STARD13: variants seen among roughly 807,000 people sequenced by gnomAD.
STARD13 encodes stAR-related lipid transfer protein 13.
In STARD13, 62 loss-of-function variants were observed where a neutral mutation model predicts 106.4. That is an observed-to-expected ratio of 0.58 (90% CI 0.48 to 0.72). STARD13 has a LOEUF of 0.72. Ranked by LOEUF, STARD13 falls within the 30% of genes least tolerant of loss-of-function variation. The probability of loss-of-function intolerance (pLI) is 0.00; values close to 1 mark genes in which losing one functional copy is unlikely to be tolerated. For missense variants in STARD13, 1,387 were observed against 1,424.0 expected (o/e 0.97, Z 0.42); for synonymous variants, 565 against 553.0 (o/e 1.02, Z -0.31).
chr13:33,434,079 G>A, the STARD13 span, among the ~76,000 whole-genome samples: 8 of 152,224 alleles, frequency 5.3e-5, no homozygotes, highest in East Asian at 1.9e-4. Flanking sequence ...GAGGCCAGGC[G>A]CTGTGGCTCA....
chr13:33,645,672 T>C, the STARD13 span, among the ~76,000 whole-genome samples: 118 of 152,270 alleles, frequency 7.7e-4, no homozygotes, highest in African/African-American at 2.7e-3. Flanking sequence ...AAAAAATGAT[T>C]GTTTAGCCAT....
the STARD13 span, among the ~76,000 whole-genome samples, chr13:33,363,268 T>G: frequency 6.6e-6 from 1 of 152,208 alleles, no homozygotes; most frequent in African/African-American, 2.4e-5. Flanking sequence ...TTTCAAAACC[T>G]TCTCAGTACA....
chr13:33,386,563 G>C, the STARD13 span, among the ~76,000 whole-genome samples: 3 of 151,970 alleles, frequency 2.0e-5, no homozygotes, highest in Admixed American at 6.6e-5. Flanking sequence ...ACCTCCTCTG[G>C]GGGGGTCGAC....
the STARD13 span, among the ~76,000 whole-genome samples, chr13:33,671,426 T>C: frequency 1.3e-5 from 2 of 152,212 alleles, no homozygotes; most frequent in Non-Finnish European, 2.9e-5. Flanking sequence ...CCCAGTAAAA[T>C]GCATATGTTA....
intron 1 of STARD13, among the ~76,000 whole-genome samples, chr13:33,178,680 G>A (rs1215207730): frequency 6.6e-6 from 1 of 152,158 alleles, no homozygotes; most frequent in African/African-American, 2.4e-5. Flanking sequence ...TTAGGTATCT[G>A]GAAAGTGGAG....
chr13:33,550,845 A>G, the STARD13 span, among the ~76,000 whole-genome samples: 1 of 152,216 alleles, frequency 6.6e-6, no homozygotes, highest in Non-Finnish European at 1.5e-5. Flanking sequence ...CTTTCAGCAT[A>G]GAACTTCCAA....
chr13:33,670,748 C>A, the STARD13 span, among the ~76,000 whole-genome samples: 1 of 152,178 alleles, frequency 6.6e-6, no homozygotes, highest in Non-Finnish European at 1.5e-5. Flanking sequence ...TCCCCTCCCC[C>A]GAGTTGCTTA....
chr13:33,306,156 T>A (rs1430378714), intron 1 of STARD13, among the ~76,000 whole-genome samples: 1 of 151,918 alleles, frequency 6.6e-6, no homozygotes, highest in Non-Finnish European at 1.5e-5. Flanking sequence ...AGGATAAAGA[T>A]CCCAGAAATA....
intron 4 of STARD13, among the ~76,000 whole-genome samples, chr13:33,131,371 C>T (rs1272068996): frequency 6.6e-6 from 1 of 152,082 alleles, no homozygotes; most frequent in Non-Finnish European, 1.5e-5. Flanking sequence ...TGGGAGAAAC[C>T]CTGTCTCCAG....
At chr13:33,520,063 C>T in the STARD13 span, 4 of 152,156 alleles carry the variant, frequency 2.6e-5, no homozygotes, top group East Asian at 7.7e-4. Flanking sequence ...CAGGTGTGGG[C>T]TGCCCAGGTC....
chr13:33,199,282 C>G (rs985173760), intron 1 of STARD13, among the ~76,000 whole-genome samples: 4 of 152,200 alleles, frequency 2.6e-5, no homozygotes, highest in African/African-American at 9.7e-5. Context: ...ATATCTGTCC[C>G]CAAGACGTGA....
chr13:33,545,644 A>G, the STARD13 span, among the ~76,000 whole-genome samples: 1 of 152,212 alleles, frequency 6.6e-6, no homozygotes, highest in African/African-American at 2.4e-5. Context: ...GATCCCTGAC[A>G]CAGGGCTTGA....
chr13:33,589,276 G>GT, the STARD13 span, among the ~76,000 whole-genome samples: 4 of 151,956 alleles, frequency 2.6e-5, no homozygotes, highest in Non-Finnish European at 5.9e-5. Flanking sequence ...TTTTTGAAGG[G>GT]TTTTTTTGTG....
rs370325874 is a variant in STARD13 at position 33,106,839 on chromosome 13, A to T, written c.3143T>A (p.Val1048Glu). Residue 1048 changes from valine (V) to glutamate (E), a missense_variant, in exon 13 of 14, where the codon GTG (valine) becomes GAG (glutamate). Transcript: ENST00000336934. ...TATCAAGTACTGCGAGTCCATCACC[A>T]CTGCTCGCACACCACCCAGGAGCTG... is the stretch of plus-strand genomic sequence containing the variant. ...EAQLLGGVRA[V>E]VMDSQYLIEP... 4.9e-4 allele frequency: 784 copies of T among 1,614,154 alleles called. 5 individuals carry two copies. The South Asian group carries it at 8.1e-3, about 17-fold the overall frequency.
chr13:33,523,788 T>C, the STARD13 span, among the ~76,000 whole-genome samples: 1 of 152,128 alleles, frequency 6.6e-6, no homozygotes, highest in African/African-American at 2.4e-5. Context: ...GTGGATTGAA[T>C]ATTAGTAGCT....
chr13:33,647,255 C>T, the STARD13 span, among the ~76,000 whole-genome samples: 1 of 152,150 alleles, frequency 6.6e-6, no homozygotes, highest in African/African-American at 2.4e-5. Context: ...ATATGTTTTT[C>T]TTTACATCCA....
intron 1 of STARD13, among the ~76,000 whole-genome samples, chr13:33,201,884 C>T (rs1333901718): frequency 5.9e-5 from 9 of 152,104 alleles, no homozygotes; most frequent in Admixed American, 3.9e-4. Context: ...AGTACATAAT[C>T]TGTCAGGCAA....
At chr13:33,224,444 C>T (rs1007610808) in intron 1 of STARD13, among the ~76,000 whole-genome samples, 1 of 152,202 alleles carries the variant, frequency 6.6e-6, no homozygotes, top group African/African-American at 2.4e-5. Flanking sequence ...CTCTTTGTGG[C>T]CACTAAGGGT....
At chr13:33,612,666 A>G in the STARD13 span, among the ~76,000 whole-genome samples, 1 of 152,152 alleles carries the variant, frequency 6.6e-6, no homozygotes, top group Non-Finnish European at 1.5e-5. Flanking sequence ...ACAGCCCTGT[A>G]TATGTCAACC....
Sources: gnomAD v4.1 joint callset for allele counts (sites outside exome capture counted in the v4.1 genomes callset) on GRCh38, gnomAD v4.1.1 for gene constraint, MANE v1.5 for transcripts, NCBI Gene and HGNC (gene_info 2026-07-23, HGNC 2026-07-21) for gene names.